ATP2B2: variants seen among roughly 807,000 people sequenced by gnomAD.
The protein encoded by ATP2B2 is plasma membrane calcium-transporting ATPase 2.
Under a neutral mutation model 120.0 loss-of-function variants are expected in ATP2B2, and 15 were observed. That is an observed-to-expected ratio of 0.12 (90% CI 0.08 to 0.19). ATP2B2 has a LOEUF of 0.19. Among genes scored for constraint, ATP2B2 ranks in the 10% least tolerant of loss-of-function variants. The probability of loss-of-function intolerance (pLI) is 1.00; values close to 1 mark genes in which losing one functional copy is unlikely to be tolerated. For missense variants in ATP2B2, 1,045 were observed against 1,719.8 expected, an observed-to-expected ratio of 0.61 and a Z score of 6.94; for synonymous variants, 694 against 700.3, an observed-to-expected ratio of 0.99 and a Z score of 0.14.
chr3:10,521,618 G>C (rs1575454142), intron 3 of ATP2B2, among the ~76,000 whole-genome samples: 2 of 152,364 alleles, frequency 1.3e-5, no homozygotes, highest in Admixed American at 1.3e-4. Flanking sequence ...TAAAGTGATT[G>C]TGGGAACGGA....
chr3:10,352,371 T>C (rs1470390526), intron 14 of ATP2B2, among the ~76,000 whole-genome samples: 2 of 152,244 alleles, frequency 1.3e-5, no homozygotes, highest in Non-Finnish European at 2.9e-5. Context: ...GGTTCCACCC[T>C]GATGCCTTCA....
chr3:10,583,549 C>T (rs1324592465), intron 2 of ATP2B2, among the ~76,000 whole-genome samples: 2 of 152,174 alleles, frequency 1.3e-5, no homozygotes, highest in Non-Finnish European at 2.9e-5. Flanking sequence ...GCCCTGATTG[C>T]ATATTTCATT....
chr3:10,559,327 C>T (rs533851878), intron 2 of ATP2B2, among the ~76,000 whole-genome samples: 6 of 152,130 alleles, frequency 3.9e-5, no homozygotes, highest in African/African-American at 1.4e-4. Flanking sequence ...ATAGCACTAT[C>T]GGGTGAACAT....
upstream of ATP2B2, chr3:10,505,635 C>CGGTTCTA (rs2066597923): frequency 7.1e-6 from 1 of 141,002 alleles, no homozygotes; most frequent in Non-Finnish European, 1.5e-5. Context: ...GCGCCGGCGC[C>CGGTTCTA]GGTTCTAGGA....
intron 1 of ATP2B2, among the ~76,000 whole-genome samples, chr3:10,504,687 C>A (rs546128612): frequency 6.6e-6 from 1 of 152,224 alleles, no homozygotes; most frequent in African/African-American, 2.4e-5. Flanking sequence ...AGGCCCCCTG[C>A]TGCATTTTCC....
intron 1 of ATP2B2, among the ~76,000 whole-genome samples, chr3:10,685,405 G>A (rs1201712677): frequency 2.0e-5 from 3 of 152,200 alleles, no homozygotes; most frequent in Non-Finnish European, 4.4e-5. Context: ...TGGAAGGCAA[G>A]TACTGCTGGG....
At chr3:10,381,915 T>C (rs949931578) in intron 8 of ATP2B2, among the ~76,000 whole-genome samples, 1 of 152,184 alleles carries the variant, frequency 6.6e-6, no homozygotes, top group Non-Finnish European at 1.5e-5. Context: ...GACCACTACC[T>C]GGGAGACTTG....
chr3:10,523,401 A>G (rs1460138735), intron 3 of ATP2B2, among the ~76,000 whole-genome samples: 1 of 152,204 alleles, frequency 6.6e-6, no homozygotes, highest in East Asian at 1.9e-4. Context: ...TAGCCTCTCT[A>G]GCATTTACTT....
intron 1 of ATP2B2, among the ~76,000 whole-genome samples, chr3:10,649,538 T>A (rs1377912087): frequency 6.6e-6 from 1 of 152,210 alleles, no homozygotes; most frequent in Non-Finnish European, 1.5e-5. Context: ...AGATGGAGCA[T>A]TCCTCTCTCT....
At chr3:10,620,633 G>T (rs56934436) in intron 1 of ATP2B2, among the ~76,000 whole-genome samples, 23,145 of 152,096 alleles carry the variant, frequency 0.15, 1,849 homozygotes, top group Middle Eastern at 0.24. Flanking sequence ...GCTGTGCAGA[G>T]CAGATGCTTG....
At chr3:10,483,240 C>A (rs2065486007) in intron 1 of ATP2B2, among the ~76,000 whole-genome samples, 1 of 152,172 alleles carries the variant, frequency 6.6e-6, no homozygotes, top group Non-Finnish European at 1.5e-5. Context: ...TGTGACAGTC[C>A]CCATTTTACA....
At chr3:10,534,196 AAGG>A (rs1380946981) in intron 2 of ATP2B2, 5 of 152,578 alleles carry the variant, frequency 3.3e-5, no homozygotes, top group African/African-American at 7.2e-5. Context: ...CCAGGTCAGA[AAGG>A]AGAAGGGAAG....
chr3:10,640,779 T>C (rs1423265431), intron 1 of ATP2B2, among the ~76,000 whole-genome samples: 15 of 151,716 alleles, frequency 9.9e-5, no homozygotes, highest in Non-Finnish European at 4.4e-5. Context: ...CACGGAGGCA[T>C]GGTGTTTGAA....
chr3:10,707,467 G>A (rs922029125), intron 1 of ATP2B2, among the ~76,000 whole-genome samples: 1 of 152,186 alleles, frequency 6.6e-6, no homozygotes, highest in Middle Eastern at 3.2e-3. Context: ...CCTGTCCCGA[G>A]CCTGCAGGAA....
At chr3:10,626,910 ACACACACT>A (rs1388565209) in intron 1 of ATP2B2, 61 of 89,886 alleles carry the variant, frequency 6.8e-4, no homozygotes, top group African/African-American at 2.1e-3. Flanking sequence ...ACACACACAC[ACACACACT>A]TTTCATTTAC....
chr3:10,554,618 C>G (rs1011040362), intron 2 of ATP2B2, among the ~76,000 whole-genome samples: 2 of 152,178 alleles, frequency 1.3e-5, no homozygotes, highest in African/African-American at 4.8e-5. Context: ...GATTTCAGCC[C>G]GGTAGAGCTG....
chr3:10,473,981 C>T (rs181992235), intron 1 of ATP2B2, among the ~76,000 whole-genome samples: 99 of 152,282 alleles, frequency 6.5e-4, no homozygotes, highest in African/African-American at 1.9e-3. Flanking sequence ...CCCTTTTTCA[C>T]GGATCTGTCA....
chr3:10,529,691 TG>T (rs1470086440), intron 3 of ATP2B2, among the ~76,000 whole-genome samples: 1 of 152,182 alleles, frequency 6.6e-6, no homozygotes, highest in Non-Finnish European at 1.5e-5. Flanking sequence ...AAAGATAGGT[TG>T]AAGTCCTAAC....
At chr3:10,602,389 G>A (rs1321732162) in intron 2 of ATP2B2, among the ~76,000 whole-genome samples, 1 of 152,160 alleles carries the variant, frequency 6.6e-6, no homozygotes, top group African/African-American at 2.4e-5. Context: ...TCAGAGAAGG[G>A]ATTTCAGGCC....
Sources: gnomAD v4.1 joint callset for allele counts (sites outside exome capture counted in the v4.1 genomes callset) on GRCh38, gnomAD v4.1.1 for gene constraint, MANE v1.5 for transcripts, NCBI Gene and HGNC (gene_info 2026-07-23, HGNC 2026-07-21) for gene names.